MAPT: variants seen among roughly 807,000 people sequenced by gnomAD.
MAPT encodes microtubule associated protein tau.
MAPT carries 34 observed loss-of-function variants against 67.9 expected under a neutral mutation model. The ratio of observed to expected loss-of-function variants is 0.50; its 90% CI spans 0.38 to 0.67. The LOEUF (loss-of-function observed/expected upper bound fraction) is 0.67, where lower values mean the gene tolerates loss of function less well. Ranked by LOEUF, MAPT falls within the 30% of genes least tolerant of loss-of-function variation. The pLI is 0.00. For missense variants in MAPT, 881 were observed against 1,115.2 expected (o/e 0.79, Z 2.99); for synonymous variants, 456 against 464.5 (o/e 0.98, Z 0.23).
intron 1 of MAPT, among the ~76,000 whole-genome samples, chr17:45,917,720 T>C (rs1412439963): frequency 6.6e-6 from 1 of 152,008 alleles, no homozygotes; most frequent in African/African-American, 2.4e-5. Context: ...TGCCAGCCCC[T>C]TTGGTCCATC....
At position 45,941,645 on chromosome 17, in the gene MAPT, TC is replaced by T. The variant is rs1347297034; in HGVS notation, c.-17-20670del. ...TTCCCTCCTTCCCTCTTTCCCTCCTTCCCCCCTTCCACCCTTCCCCCCTTCC... is the reference window on the plus strand; with the variant it reads ...TTCCCTCCTTCCCTCTTTCCCTCCTTCCCCCTTCCACCCTTCCCCCCTTCC... On this transcript the variant is annotated intron_variant, in intron 1 of 12. Transcript: ENST00000262410. Among the ~76,000 whole-genome samples, 4 of 99,822 alleles carry T rather than the reference TC, an allele frequency of 4.0e-5. No individual in the cohort carries two copies. The East Asian group carries it at 1.5e-3, about 37-fold the overall frequency. 65.5% of individuals were successfully genotyped at this position (99,822 alleles called of 152,430 possible). A position where few individuals can be genotyped will look rare whatever the true frequency, so the allele number is the denominator to read the frequency against.
chr17:45,982,604 G>A (rs755962527), intron 4 of MAPT, among the ~76,000 whole-genome samples: 3 of 152,064 alleles, frequency 2.0e-5, no homozygotes, highest in Non-Finnish European at 4.4e-5. Context: ...AGGTCACCAC[G>A]TCCAAGAACC....
intron 1 of MAPT, among the ~76,000 whole-genome samples, chr17:45,954,577 G>A (rs1271071282): frequency 2.0e-5 from 3 of 152,082 alleles, no homozygotes; most frequent in Non-Finnish European, 2.9e-5. Flanking sequence ...GAGCTGTGAT[G>A]GCACCACTGC....
intron 11 of MAPT, among the ~76,000 whole-genome samples, chr17:46,015,536 A>G (rs139947165): frequency 0.016 from 2,312 of 148,264 alleles, 50 homozygotes; most frequent in African/African-American, 0.055. Context: ...GCAGGTGCCT[A>G]TAGTCCCAGC....
chr17:45,914,653 T>A (rs1449298181), intron 1 of MAPT, among the ~76,000 whole-genome samples: 3 of 152,012 alleles, frequency 2.0e-5, no homozygotes, highest in Admixed American at 2.0e-4. Context: ...AGAAACTGGG[T>A]GAAGGGAGAT....
At chr17:45,910,165 T>G (rs1398444195) in intron 1 of MAPT, among the ~76,000 whole-genome samples, 1 of 152,200 alleles carries the variant, frequency 6.6e-6, no homozygotes, top group Admixed American at 6.5e-5. Flanking sequence ...GTCCTCACAC[T>G]TGGGTAGCCC....
At chr17:45,958,150 G>A (rs77555455) in intron 1 of MAPT, among the ~76,000 whole-genome samples, 21,724 of 152,104 alleles carry the variant, frequency 0.14, 2,132 homozygotes, top group Non-Finnish European at 0.22. Flanking sequence ...TATTCCAGAT[G>A]AATTAATAAA....
chr17:45,946,287 C>T (rs1458411512), intron 1 of MAPT, among the ~76,000 whole-genome samples: 2 of 152,004 alleles, frequency 1.3e-5, no homozygotes. Context: ...GTCATCCTCA[C>T]TGAAGGCTGT....
chr17:45,934,137 G>A (rs1440886998), intron 1 of MAPT, among the ~76,000 whole-genome samples: 1 of 152,114 alleles, frequency 6.6e-6, no homozygotes, highest in Non-Finnish European at 1.5e-5. Context: ...TGAGGAGGGA[G>A]GATCACTGGA....
Position 45,915,795 on chromosome 17 carries a change from G to C in MAPT, c.-18+21109G>C, listed in dbSNP as rs973198665. Among the ~76,000 whole-genome samples, 6 of 152,158 alleles carry C rather than the reference G, an allele frequency of 3.9e-5. No homozygotes were observed. Among genetic ancestry groups the C allele is most frequent in the Admixed American group, 3.9e-4 (6 of 15,276 alleles). On this transcript the variant is annotated intron_variant, in intron 1 of 12. Coordinates refer to ENST00000262410, the MANE Select transcript of MAPT (RefSeq NM_001377265.1). This position sits in a 1 kb window ranked among gnomAD's most constrained non-coding sequence, Gnocchi z 4.4. ...TAGCCCATGAGCCACCCTGTTCCCT[G>C]CATTTCCAATGAGACCTCGGTGGAC...
In MAPT at chr17:46,014,882, C is replaced by CAAAAAAAAAAA. The variant is rs1254513618; in HGVS notation, c.2173+559_2173+569dup. Among the ~76,000 whole-genome samples the CAAAAAAAAAAA allele has an allele frequency of 2.4e-4, 31 of 127,496 alleles. 3 individuals carry two copies. The highest frequency in any genetic ancestry group is 3.9e-4 in the Non-Finnish European group (23 of 58,796). 83.6% of individuals were successfully genotyped at this position (127,496 alleles called of 152,430 possible). A position where few individuals can be genotyped will look rare whatever the true frequency, so the allele number is the denominator to read the frequency against. ...TGGGCGACAGAGCGAGACTCCGTCT[C>CAAAAAAAAAAA]AAAAAAAAAAAGCACATGTTCTCGC... On this transcript the variant is annotated intron_variant, in intron 11 of 12. Coordinates refer to ENST00000262410, the MANE Select transcript of MAPT (RefSeq NM_001377265.1).
At chr17:45,974,461 A>C in intron 3 of MAPT, 1 of 1,604,478 alleles carries the variant, frequency 6.2e-7, no homozygotes, top group Non-Finnish European at 8.5e-7. Context: ...AGATCCCAGA[A>C]GGAACCACAG....
chr17:45,940,418 G>A (rs1273709800), intron 1 of MAPT, among the ~76,000 whole-genome samples: 1 of 152,184 alleles, frequency 6.6e-6, no homozygotes, highest in Admixed American at 6.5e-5. Context: ...GGGGAATCTG[G>A]ACAGAATCTA....
chr17:45,961,694 T>C lies in MAPT; in HGVS notation c.-17-627T>C, dbSNP rs980414698. ...AAACTGCTGGGCAGCAGCATTGATTTTTTTAATGAAGTGGAAAGAGAGCTG... is the reference window on the plus strand; with the variant it reads ...AAACTGCTGGGCAGCAGCATTGATTCTTTTAATGAAGTGGAAAGAGAGCTG... On this transcript the variant is annotated intron_variant, in intron 1 of 12. Coordinates refer to ENST00000262410, the MANE Select transcript of MAPT (RefSeq NM_001377265.1). Among the ~76,000 whole-genome samples the C allele has an allele frequency of 2.0e-5, 3 of 152,126 alleles. No individual in the cohort carries two copies. The East Asian group carries it at 5.8e-4, about 29-fold the overall frequency.
At chr17:45,913,207 G>A (rs1232982616) in intron 1 of MAPT, among the ~76,000 whole-genome samples, 1 of 152,216 alleles carries the variant, frequency 6.6e-6, no homozygotes, top group Non-Finnish European at 1.5e-5. Flanking sequence ...GCAAGGAGGA[G>A]CAAGCCACAT....
intron 5 of MAPT, chr17:45,985,567 G>A: frequency 1.6e-5 from 7 of 424,806 alleles, no homozygotes; most frequent in Non-Finnish European, 2.2e-5. Context: ...ACTTGTCAGA[G>A]CCTTTAATGT....
At chr17:45,910,816 A>C (rs1000390991) in intron 1 of MAPT, 1 of 152,166 alleles carries the variant, frequency 6.6e-6, no homozygotes, top group Non-Finnish European at 1.5e-5. Flanking sequence ...TCTGGGCTGA[A>C]CTGGGGAGCT....
intron 3 of MAPT, among the ~76,000 whole-genome samples, chr17:45,972,356 G>A (rs1448334179): frequency 6.6e-6 from 1 of 152,202 alleles, no homozygotes; most frequent in African/African-American, 2.4e-5. Flanking sequence ...CATTTTGGGG[G>A]CTCTGGGTGT....
chr17:45,999,412 G>C, intron 9 of MAPT: 1 of 1,614,056 alleles, frequency 6.2e-7, no homozygotes, highest in Non-Finnish European at 8.5e-7. Context: ...GGTTGCCAGA[G>C]ACAGAACCCT....
Sources: gnomAD v4.1 joint callset for allele counts (sites outside exome capture counted in the v4.1 genomes callset) on GRCh38, gnomAD v4.1.1 for gene constraint, Gnocchi (gnomAD v3.1) non-coding constraint, MANE v1.5 for transcripts, NCBI Gene and HGNC (gene_info 2026-07-23, HGNC 2026-07-21) for gene names.